Variants in FIBCD1 observed in about 807,000 individuals in gnomAD.
The protein encoded by FIBCD1 is fibrinogen C domain-containing protein 1.
A neutral mutation model predicts 45.1 loss-of-function variants in FIBCD1; 47 were observed. The ratio of observed to expected loss-of-function variants is 1.04; its 90% CI spans 0.82 to 1.33. The LOEUF is 1.33. Ranked by LOEUF, FIBCD1 falls within the 40% of genes most tolerant of loss-of-function variation. The probability of loss-of-function intolerance (pLI) is 0.00; values close to 1 mark genes in which losing one functional copy is unlikely to be tolerated. For synonymous variants in FIBCD1, 313 were observed against 308.1 expected, an observed-to-expected ratio of 1.02 and a Z score of -0.17; for missense variants, 653 against 682.2, an observed-to-expected ratio of 0.96 and a Z score of 0.48.
At chr9:130,933,981 A>ATGGTTGG (rs1418732754) in intron 1 of FIBCD1, 1 of 152,340 alleles carries the variant, frequency 6.6e-6, no homozygotes, top group Non-Finnish European at 1.5e-5. Context: ...CAACGCAGGC[A>ATGGTTGG]GCTGTTCTGC....
At chr9:130,921,890 G>A (rs1296487850) in intron 4 of FIBCD1, among the ~76,000 whole-genome samples, 1 of 152,246 alleles carries the variant, frequency 6.6e-6, no homozygotes, top group Non-Finnish European at 1.5e-5. Context: ...TTAGAGATGT[G>A]TCTGTCTTTG....
At position 130,906,998 on chromosome 9, in the gene FIBCD1, G is replaced by A. The variant is rs369402841; in HGVS notation, c.947-1585C>T. 9.8e-5 allele frequency among the ~76,000 whole-genome samples: 15 copies of A among 152,288 alleles called. 1 individual carries two copies. Among genetic ancestry groups the A allele is most frequent in the African/African-American group, 3.6e-4 (15 of 41,562 alleles). On this transcript the variant is annotated intron_variant, in intron 5 of 6. Transcript: ENST00000372338. Reference sequence around the variant, plus strand: ...AGGTTAAGGAGCTGGCCCAGGTCACGCGGCTGCTGAGTGGCATTGCTGGGA... The same window carrying A: ...AGGTTAAGGAGCTGGCCCAGGTCACACGGCTGCTGAGTGGCATTGCTGGGA...
At chr9:130,928,686 G>T (rs780059752) in intron 2 of FIBCD1, among the ~76,000 whole-genome samples, 11 of 152,152 alleles carry the variant, frequency 7.2e-5, no homozygotes, top group East Asian at 1.9e-4. Flanking sequence ...GGGCGCCCGT[G>T]GGGGCAGGGG....
In FIBCD1 at chr9:130,919,112, G is replaced by A. The variant is rs569971264; in HGVS notation, c.849+4632C>T. Reference sequence around the variant, plus strand: ...CAGCACTGCCAAGCTGCCGTTTCTCGGGTGCTGAGCCACGGCGGGCGCGGG... The same window carrying A: ...CAGCACTGCCAAGCTGCCGTTTCTCAGGTGCTGAGCCACGGCGGGCGCGGG... On this transcript the variant is annotated intron_variant, in intron 4 of 6. Coordinates refer to ENST00000372338, the MANE Select transcript of FIBCD1 (RefSeq NM_032843.5). Among the ~76,000 whole-genome samples, 35 of 152,322 alleles carry A rather than the reference G, an allele frequency of 2.3e-4. No homozygotes were observed. In the South Asian group the frequency reaches 5.6e-3, roughly 24 times the overall value.
chr9:130,910,317 G>C (rs901328989), intron 5 of FIBCD1, among the ~76,000 whole-genome samples: 6 of 152,248 alleles, frequency 3.9e-5, no homozygotes, highest in African/African-American at 1.4e-4. Flanking sequence ...CAGCCCACCG[G>C]CGCTGCACTC....
intron 4 of FIBCD1, among the ~76,000 whole-genome samples, chr9:130,912,731 G>A (rs561913748): frequency 1.3e-5 from 2 of 149,350 alleles, no homozygotes; most frequent in East Asian, 3.9e-4. Context: ...ATCTCGGTGG[G>A]GTGGAGGAAA....
At chr9:130,924,050 G>A (rs1486494617) in intron 3 of FIBCD1, among the ~76,000 whole-genome samples, 170 bp from the exon 4 acceptor site, 1 of 152,238 alleles carries the variant, frequency 6.6e-6, no homozygotes, top group Non-Finnish European at 1.5e-5. Flanking sequence ...GGCTGGGTGA[G>A]AGAATCACCC....
At chr9:130,924,511 G>T in intron 2 of FIBCD1, 115 bp from the exon 3 acceptor site, 1 of 1,043,704 alleles carries the variant, frequency 9.6e-7, no homozygotes, top group Non-Finnish European at 1.4e-6. Flanking sequence ...GTGGGCTTCT[G>T]GCTCAAGGCC....
At chr9:130,937,957 C>T (rs1832545828) in intron 1 of FIBCD1, 2 of 152,406 alleles carry the variant, frequency 1.3e-5, no homozygotes, top group Admixed American at 1.3e-4. Context: ...CAGGAGCCAA[C>T]CATCTCTGAG....
chr9:130,911,213 A>ACTTT (rs1832035982), intron 5 of FIBCD1, among the ~76,000 whole-genome samples: 1 of 152,232 alleles, frequency 6.6e-6, no homozygotes, highest in South Asian at 2.1e-4. Context: ...CGAACCCACC[A>ACTTT]GAAGGAAGAA....
chr9:130,916,826 G>A (rs559506534), intron 4 of FIBCD1, among the ~76,000 whole-genome samples: 11 of 152,358 alleles, frequency 7.2e-5, no homozygotes, highest in African/African-American at 2.4e-4. Context: ...GTCTGGGCGC[G>A]GTGGCCCACG....
chr9:130,934,990 C>T (rs1322838248), intron 1 of FIBCD1, among the ~76,000 whole-genome samples: 2 of 152,152 alleles, frequency 1.3e-5, no homozygotes, highest in Non-Finnish European at 2.9e-5. Context: ...GGTTTGCAAT[C>T]GCCCCGACCT....
At chr9:130,928,515 G>A (rs1832392934) in intron 2 of FIBCD1, among the ~76,000 whole-genome samples, 1 of 152,254 alleles carries the variant, frequency 6.6e-6, no homozygotes, top group Admixed American at 6.5e-5. Context: ...GGAGGGGGAA[G>A]CCACCTTCCC....
chr9:130,914,841 C>T (rs1832129576), intron 4 of FIBCD1, among the ~76,000 whole-genome samples: 1 of 152,238 alleles, frequency 6.6e-6, no homozygotes, highest in Non-Finnish European at 1.5e-5. Context: ...CCCTGCGTCC[C>T]AGCTGATGGG....
chr9:130,932,369 C>A (rs1564341445), intron 1 of FIBCD1, among the ~76,000 whole-genome samples: 2 of 152,116 alleles, frequency 1.3e-5, no homozygotes, highest in South Asian at 4.2e-4. Context: ...AGTTTCTTGG[C>A]CTGTCCCTAT....
At position 130,904,138 on chromosome 9, in the gene FIBCD1, A is replaced by G. The variant is rs372947957; in HGVS notation, c.1312T>C (p.Ser438Pro). The change falls in exon 7 of 7, where the codon TCC becomes CCC. Residue 438 changes from serine to proline, a missense_variant. Ser to Pro is a moderately conservative substitution (Grantham distance 74). Transcript: ENST00000372338. Reference protein sequence around the residue: ...HASYADGVEWSSWTGWQYSLK... With the variant: ...HASYADGVEWPSWTGWQYSLK... ...GAGTACTGCCAGCCGGTCCAGGAGG[A>G]CCACTCCACGCCGTCGGCATAGGAG... The G allele has an allele frequency of 8.1e-6, 13 of 1,613,088 alleles. No individual in the cohort carries two copies. The highest frequency in any genetic ancestry group is 1.1e-5 in the Non-Finnish European group (13 of 1,179,880).
chr9:130,937,458 CA>C (rs1030576089), intron 1 of FIBCD1, among the ~76,000 whole-genome samples: 7 of 152,154 alleles, frequency 4.6e-5, no homozygotes, highest in Non-Finnish European at 1.0e-4. Context: ...AGGGGCTTTG[CA>C]AACCGCAGAG....
At chr9:130,908,918 C>T (rs925259607) in intron 5 of FIBCD1, among the ~76,000 whole-genome samples, 19 of 152,206 alleles carry the variant, frequency 1.2e-4, no homozygotes, top group Middle Eastern at 6.8e-3. Flanking sequence ...GGGGCGGCCC[C>T]GCCTCACCAC....
intron 5 of FIBCD1, 141 bp downstream of exon 5, chr9:130,911,651 T>C (rs1832050625): frequency 2.9e-6 from 2 of 679,138 alleles, no homozygotes; most frequent in Non-Finnish European, 5.1e-6. Flanking sequence ...CCTTCATGCA[T>C]GACACCTGTG....
Sources: gnomAD v4.1 joint callset for allele counts (sites outside exome capture counted in the v4.1 genomes callset) on GRCh38, gnomAD v4.1.1 for gene constraint, MANE v1.5 for transcripts, NCBI Gene and HGNC (gene_info 2026-07-23, HGNC 2026-07-21) for gene names.